Variants in PCDH9 observed in about 807,000 individuals in gnomAD.
PCDH9 encodes protocadherin-9.
Under a neutral mutation model 70.6 loss-of-function variants are expected in PCDH9, and 24 were observed. The ratio of observed to expected loss-of-function variants is 0.34; its 90% CI spans 0.25 to 0.48. The LOEUF is 0.48. PCDH9 is among the 20% of genes least tolerant of loss of function. The pLI, the probability that PCDH9 is intolerant of heterozygous loss-of-function variation, is 0.99. For missense variants in PCDH9, 1,281 were observed against 1,503.6 expected (o/e 0.85, Z 2.45); for synonymous variants, 562 against 558.5 (o/e 1.01, Z -0.09).
At chr13:67,066,790 T>C (rs1386863809) in intron 2 of PCDH9, among the ~76,000 whole-genome samples, 2 of 152,182 alleles carry the variant, frequency 1.3e-5, no homozygotes, top group African/African-American at 4.8e-5. Context: ...CTTTTCCACA[T>C]TAGCAAACAT....
intron 2 of PCDH9, among the ~76,000 whole-genome samples, chr13:66,955,045 G>A (rs370537421): frequency 1.1e-4 from 16 of 152,152 alleles, no homozygotes; most frequent in Admixed American, 7.2e-4. Flanking sequence ...TTACAGGCGT[G>A]AGCCACTGAG....
At chr13:66,357,178 A>C (rs1422106375) in intron 4 of PCDH9, among the ~76,000 whole-genome samples, 1 of 152,062 alleles carries the variant, frequency 6.6e-6, no homozygotes, top group Non-Finnish European at 1.5e-5. Context: ...GTCCTACCCT[A>C]ACCATCATAA....
chr13:66,716,979 G>C (rs941310918), intron 3 of PCDH9, among the ~76,000 whole-genome samples: 2 of 152,082 alleles, frequency 1.3e-5, no homozygotes, highest in African/African-American at 4.8e-5. Context: ...TCTGTTCCTA[G>C]TTTGGTTAAA....
At chr13:66,454,681 A>T (rs772682848) in intron 4 of PCDH9, among the ~76,000 whole-genome samples, 34 of 152,304 alleles carry the variant, frequency 2.2e-4, no homozygotes, top group Middle Eastern at 3.4e-3. Context: ...TACTGGCAAG[A>T]TTTTCTTTCT....
chr13:66,464,575 T>A (rs975835558), intron 4 of PCDH9, among the ~76,000 whole-genome samples: 1 of 151,908 alleles, frequency 6.6e-6, no homozygotes, highest in Non-Finnish European at 1.5e-5. Context: ...GCAGCCCAAC[T>A]CTATGATGAA....
intron 2 of PCDH9, among the ~76,000 whole-genome samples, chr13:67,084,997 A>ATATATAT (rs1375127521): frequency 9.0e-5 from 3 of 33,172 alleles, no homozygotes; most frequent in African/African-American, 1.2e-4. Flanking sequence ...AAAAAAAAAA[A>ATATATAT]ATATATATAT....
chr13:67,125,972 A>G lies in PCDH9; in HGVS notation c.3036+99433T>C, dbSNP rs142148904. Among the ~76,000 whole-genome samples, 15 of 152,238 alleles carry G rather than the reference A, an allele frequency of 9.9e-5. No homozygotes were observed. The East Asian group carries it at 2.9e-3, about 29-fold the overall frequency. On this transcript the variant is annotated intron_variant, in intron 2 of 4. Coordinates refer to ENST00000377865, the MANE Select transcript of PCDH9 (RefSeq NM_203487.3). Reference sequence around the variant, plus strand: ...TACTTTAAATGTGCTAACTCATTTAACTTAATTGTATACTTTAAATGTGCT... The same window carrying G: ...TACTTTAAATGTGCTAACTCATTTAGCTTAATTGTATACTTTAAATGTGCT...
chr13:66,598,434 C>G (rs900050217), intron 4 of PCDH9, among the ~76,000 whole-genome samples: 7 of 151,654 alleles, frequency 4.6e-5, no homozygotes, highest in Non-Finnish European at 1.0e-4. Context: ...TAAGATTATG[C>G]TTAAGAAATT....
chr13:66,954,283 T>C (rs572617591), intron 2 of PCDH9, among the ~76,000 whole-genome samples: 8 of 152,346 alleles, frequency 5.3e-5, no homozygotes, highest in African/African-American at 1.9e-4. Flanking sequence ...TATGTACATA[T>C]TGTACTTATA....
At chr13:67,034,019 C>T (rs1273926656) in intron 2 of PCDH9, among the ~76,000 whole-genome samples, 1 of 152,136 alleles carries the variant, frequency 6.6e-6, no homozygotes, top group African/African-American at 2.4e-5. Context: ...GAGTCTTGCT[C>T]TGTCGCTCAG....
At chr13:66,859,154 G>C (rs530091485) in intron 3 of PCDH9, 2 of 152,214 alleles carry the variant, frequency 1.3e-5, no homozygotes, top group African/African-American at 4.8e-5. Context: ...ACAACAAATG[G>C]CTGTCATGTT....
At position 66,430,379 on chromosome 13, in the gene PCDH9, G is replaced by T. The variant is rs1240036645; in HGVS notation, c.3341-125351C>A. 4.6e-5 allele frequency among the ~76,000 whole-genome samples: 7 copies of T among 152,028 alleles called. No individual in the cohort carries two copies. The South Asian group carries it at 1.0e-3, about 22-fold the overall frequency. The stretch of plus-strand genomic sequence containing the variant: ...GGTATAAGAATAGGCTAAGCTAAAA[G>T]TAGAGTAGGAATGAGAGAAACTAGC... On this transcript the variant is annotated intron_variant, in intron 4 of 4. Coordinates refer to ENST00000377865, the MANE Select transcript of PCDH9 (RefSeq NM_203487.3).
intron 4 of PCDH9, among the ~76,000 whole-genome samples, chr13:66,600,255 G>A (rs948327484): frequency 1.3e-5 from 2 of 151,834 alleles, no homozygotes; most frequent in Admixed American, 1.3e-4. Flanking sequence ...AACATCAAAT[G>A]TAAAAATTCA....
At chr13:66,878,655 T>C (rs1243917812) in intron 3 of PCDH9, among the ~76,000 whole-genome samples, 1 of 152,210 alleles carries the variant, frequency 6.6e-6, no homozygotes, top group Admixed American at 6.5e-5. Context: ...GTAGCATCTT[T>C]GGACTTGAAA....
chr13:66,485,357 G>A (rs1958919401), intron 4 of PCDH9, among the ~76,000 whole-genome samples: 1 of 152,098 alleles, frequency 6.6e-6, no homozygotes, highest in African/African-American at 2.4e-5. Context: ...AGCATTCTGT[G>A]TAAGAATGAA....
At chr13:66,597,508 G>C (rs1400154959) in intron 4 of PCDH9, among the ~76,000 whole-genome samples, 1 of 151,686 alleles carries the variant, frequency 6.6e-6, no homozygotes, top group Non-Finnish European at 1.5e-5. Context: ...AAATGGTGCT[G>C]GGAAGACTGG....
At chr13:66,770,125 G>A (rs185321921) in intron 3 of PCDH9, among the ~76,000 whole-genome samples, 132 of 152,082 alleles carry the variant, frequency 8.7e-4, no homozygotes, top group Non-Finnish European at 9.9e-4. Context: ...CCTTTCATTA[G>A]GATAAAGGCA....
chr13:66,482,234 T>C (rs1958854480), intron 4 of PCDH9, among the ~76,000 whole-genome samples: 1 of 152,210 alleles, frequency 6.6e-6, no homozygotes, highest in Non-Finnish European at 1.5e-5. Context: ...CTCAAAAATG[T>C]TCTCAAGAGC....
At chr13:67,220,477 T>G (rs546013775) in intron 2 of PCDH9, 11 of 152,142 alleles carry the variant, frequency 7.2e-5, no homozygotes, top group African/African-American at 2.6e-4. Flanking sequence ...TAATTTAATG[T>G]ATGAAATCAT....
Sources: gnomAD v4.1 joint callset for allele counts (sites outside exome capture counted in the v4.1 genomes callset) on GRCh38, gnomAD v4.1.1 for gene constraint, MANE v1.5 for transcripts, NCBI Gene and HGNC (gene_info 2026-07-23, HGNC 2026-07-21) for gene names.